Variants in MALRD1 observed in about 807,000 individuals in gnomAD.
The protein encoded by MALRD1 is MAM and LDL receptor class A domain containing 1, also known as MAM and LDL-receptor class A domain-containing protein 1.
MALRD1 carries 247 observed loss-of-function variants against 242.1 expected under a neutral mutation model. The ratio of observed to expected loss-of-function variants is 1.02; its 90% CI spans 0.92 to 1.13. MALRD1 has a LOEUF of 1.13. MALRD1 is among the 50% of genes most tolerant of loss of function. MALRD1 has a pLI of 0.00. For missense variants in MALRD1, 2,989 were observed against 2,533.1 expected, an observed-to-expected ratio of 1.18 and a Z score of -3.86; for synonymous variants, 995 against 866.6, an observed-to-expected ratio of 1.15 and a Z score of -2.60.
At chr10:19,503,933 C>G (rs1337119321) in intron 31 of MALRD1, among the ~76,000 whole-genome samples, 1 of 152,182 alleles carries the variant, frequency 6.6e-6, no homozygotes, top group Admixed American at 6.5e-5. Flanking sequence ...TGGTAAATAA[C>G]TATGGAATCA....
At chr10:19,694,201 G>A (rs1833254464) in intron 38 of MALRD1, among the ~76,000 whole-genome samples, 2 of 152,156 alleles carry the variant, frequency 1.3e-5, no homozygotes, top group Admixed American at 6.5e-5. Flanking sequence ...AAAAGCAATG[G>A]CAACAAAAGC....
chr10:19,138,601 A>G (rs1048901124), intron 10 of MALRD1, among the ~76,000 whole-genome samples: 12 of 151,814 alleles, frequency 7.9e-5, no homozygotes, highest in Non-Finnish European at 1.2e-4. Flanking sequence ...TTGTATTTTT[A>G]GTAGTGACAG....
rs1168199908 is a variant in MALRD1, at chr10:19,331,432, T to C, written c.3751T>C (p.Phe1251Leu). The C allele has an allele frequency of 2.6e-6, 4 of 1,550,578 alleles. No individual in the cohort carries two copies. The highest frequency in any genetic ancestry group is 2.6e-6 in the Non-Finnish European group (3 of 1,146,910). ...AGATGTAGCAGTGGATGATATTTCC[T>C]TCCAAGATTGCTCCCCTTTGCTTAG... ...IGDVAVDDIS[F>L]QDCSPLLSPE... The change falls in exon 24 of 40, where the codon TTC becomes CTC. Residue 1251 changes from phenylalanine to leucine, a missense_variant. Physicochemically the swap from Phe to Leu is conservative, Grantham distance 22. Transcript: ENST00000454679.
In MALRD1 at chr10:19,332,108, C is replaced by T. The variant is rs537659365; in HGVS notation, c.3901+526C>T. On this transcript the variant is annotated intron_variant, in intron 24 of 39. Transcript: ENST00000454679. Reference sequence around the variant, plus strand: ...CTTGATCTCTGGACCTCATGATCTGCCTGCCTTGGCTGCCCAGAGTGCTGG... The same window carrying T: ...CTTGATCTCTGGACCTCATGATCTGTCTGCCTTGGCTGCCCAGAGTGCTGG... 8.6e-5 allele frequency among the ~76,000 whole-genome samples: 13 copies of T among 151,688 alleles called. No homozygotes were observed. The South Asian group carries it at 2.7e-3, about 32-fold the overall frequency.
rs139163465 is a variant in MALRD1, at chr10:19,242,218, A to G, written c.2992-15466A>G. On this transcript the variant is annotated intron_variant, in intron 18 of 39. Coordinates refer to ENST00000454679, the MANE Select transcript of MALRD1 (RefSeq NM_001142308.3). ...GCAAACAAAATAGAAATGAGAACCAAGTGAAAGGGTTCCCCCTTATAAAAC... is the reference window on the plus strand; with the variant it reads ...GCAAACAAAATAGAAATGAGAACCAGGTGAAAGGGTTCCCCCTTATAAAAC... 2.4e-3 allele frequency among the ~76,000 whole-genome samples: 361 copies of G among 152,294 alleles called. 2 individuals are homozygous for G. Among genetic ancestry groups the G allele is most frequent in the African/African-American group, 8.3e-3 (346 of 41,572 alleles).
chr10:19,415,269 G>GT, intron 28 of MALRD1, among the ~76,000 whole-genome samples: 1 of 152,164 alleles, frequency 6.6e-6, no homozygotes, highest in South Asian at 2.1e-4. Flanking sequence ...TTATTTGGGC[G>GT]TTGACCATAC....
Position 19,390,002 on chromosome 10 carries a change from G to T in MALRD1, c.4845+393G>T, listed in dbSNP as rs747732089. Among the ~76,000 whole-genome samples the T allele has an allele frequency of 5.3e-5, 8 of 152,190 alleles. No homozygotes were observed. The South Asian group carries it at 1.5e-3, about 28-fold the overall frequency. On this transcript the variant is annotated intron_variant, in intron 28 of 39. Transcript: ENST00000454679. ...CATGTGGCCTGAGGGAGTTGACTTG[G>T]CTAGAGAAGGCCCCCTGTTTTTCAA...
chr10:19,713,531 T>C (rs1834241179), intron 38 of MALRD1, among the ~76,000 whole-genome samples: 1 of 152,252 alleles, frequency 6.6e-6, no homozygotes, highest in African/African-American at 2.4e-5. Flanking sequence ...GACAGATTCT[T>C]ACATAGGTTG....
intron 38 of MALRD1, among the ~76,000 whole-genome samples, 161 bp downstream of exon 38, chr10:19,692,715 A>G (rs1833136949): frequency 6.6e-6 from 1 of 151,232 alleles, no homozygotes; most frequent in Admixed American, 6.6e-5. Flanking sequence ...AAGAGGAGCT[A>G]CCTAACAAGA....
At chr10:19,678,938 G>C (rs1842250859) in intron 36 of MALRD1, among the ~76,000 whole-genome samples, 2 of 152,084 alleles carry the variant, frequency 1.3e-5, no homozygotes, top group Non-Finnish European at 2.9e-5. Context: ...CTTTAGTTCT[G>C]TTTATGTGAT....
intron 36 of MALRD1, among the ~76,000 whole-genome samples, chr10:19,628,835 T>A (rs1009344127): frequency 6.6e-6 from 1 of 152,074 alleles, no homozygotes; most frequent in Admixed American, 6.6e-5. Context: ...AAAGGCAGAG[T>A]CAGTTGGCTG....
chr10:19,447,587 A>G (rs1467233773), intron 28 of MALRD1, among the ~76,000 whole-genome samples: 2 of 152,116 alleles, frequency 1.3e-5, no homozygotes, highest in African/African-American at 4.8e-5. Flanking sequence ...GTATTTGTTG[A>G]AAATTCTTTG....
At chr10:19,157,216 A>G (rs1834189790) in intron 12 of MALRD1, among the ~76,000 whole-genome samples, 1 of 151,506 alleles carries the variant, frequency 6.6e-6, no homozygotes, top group Non-Finnish European at 1.5e-5. Context: ...AGACTATAAT[A>G]TGAATTTTTT....
intron 29 of MALRD1, among the ~76,000 whole-genome samples, chr10:19,470,247 C>T (rs564221342): frequency 1.3e-4 from 20 of 151,976 alleles, no homozygotes; most frequent in Non-Finnish European, 2.4e-4. Flanking sequence ...CTTCCAGAGT[C>T]ACCCATGTTG....
intron 21 of MALRD1, among the ~76,000 whole-genome samples, chr10:19,313,801 T>C (rs1842529493): frequency 6.6e-6 from 1 of 151,664 alleles, no homozygotes; most frequent in Non-Finnish European, 1.5e-5. Context: ...CCAGTGAATG[T>C]CATACAATAT....
chr10:19,079,704 G>T (rs191783229), intron 2 of MALRD1, among the ~76,000 whole-genome samples: 10 of 151,726 alleles, frequency 6.6e-5, no homozygotes, highest in Admixed American at 4.6e-4. Flanking sequence ...TTCTTGATTG[G>T]TTGACCCATT....
Position 19,331,599 on chromosome 10 carries a change from T to C in MALRD1, c.3901+17T>C, listed in dbSNP as rs1400711314. 4 of 1,543,588 alleles carry C rather than the reference T, an allele frequency of 2.6e-6. No homozygotes were observed. The highest frequency in any genetic ancestry group is 3.5e-6 in the Non-Finnish European group (4 of 1,141,272). On this transcript the variant is annotated intron_variant, in intron 24 of 39. Coordinates refer to ENST00000454679, the MANE Select transcript of MALRD1 (RefSeq NM_001142308.3). ...TCATTTGCCGTAAGTAAAAGGGTTC[T>C]GTTTTCTTACTTTTGCCTTCAACTC...
intron 1 of MALRD1, among the ~76,000 whole-genome samples, chr10:19,049,475 G>A (rs1834421925): frequency 6.6e-6 from 1 of 152,216 alleles, no homozygotes; most frequent in Non-Finnish European, 1.5e-5. Flanking sequence ...AAAATGCTAT[G>A]ATGGAGATCA....
chr10:19,440,105 G>C (rs751952555), intron 28 of MALRD1, among the ~76,000 whole-genome samples: 15 of 152,088 alleles, frequency 9.9e-5, no homozygotes, highest in Non-Finnish European at 2.1e-4. Flanking sequence ...CTTTATGCTT[G>C]TTGAGCTGTT....
Sources: allele counts gnomAD v4.1 joint callset (sites outside exome capture counted in the v4.1 genomes callset), GRCh38; gene constraint gnomAD v4.1.1; transcripts MANE v1.5; gene names NCBI Gene and HGNC (gene_info 2026-07-23, HGNC 2026-07-21).